Variants in OTOG observed in about 807,000 individuals in gnomAD.
OTOG encodes the protein otogelin.
A neutral mutation model predicts 313.8 loss-of-function variants in OTOG; 296 were observed. The ratio of observed to expected loss-of-function variants is 0.94; its 90% CI spans 0.86 to 1.04. The LOEUF is 1.04. OTOG is among the 50% of genes least tolerant of loss of function. The pLI is 0.00. For missense variants in OTOG, 3,948 were observed against 3,840.1 expected, an observed-to-expected ratio of 1.03 and a Z score of -0.74; for synonymous variants, 1,533 against 1,554.9, an observed-to-expected ratio of 0.99 and a Z score of 0.33.
At position 17,602,374 on chromosome 11, in the gene OTOG, C is replaced by T. The variant is rs766355863; in HGVS notation, c.3874C>T (p.His1292Tyr). Residue 1292 changes from histidine to tyrosine, a missense_variant, in exon 32 of 56, where the codon CAT (histidine) becomes TAT (tyrosine). His to Tyr is a moderately conservative substitution (Grantham distance 83). Transcript: ENST00000399397. ...AGCTGCTCTGTACAAGGCCAAGGCC[C>T]ATGGTAAGGCCCATCCCAGTCCCAC... The part of the protein sequence containing the change: ...LTAALYKAKA[H>Y]DPDVVSLEAA... 51 of 1,549,686 alleles carry T rather than the reference C, an allele frequency of 3.3e-5. No individual in the cohort carries two copies. The highest frequency in any genetic ancestry group is 1.7e-4 in the Middle Eastern group (1 of 5,938).
chr11:17,605,609 A>G (rs1000914081), intron 32 of OTOG, among the ~76,000 whole-genome samples: 4 of 152,066 alleles, frequency 2.6e-5, no homozygotes, highest in Admixed American at 2.0e-4. Flanking sequence ...AGATAGTTCA[A>G]TTACCTTCCC....
chr11:17,611,515 C>A, intron 36 of OTOG, 92 bp downstream of exon 36: 2 of 1,245,974 alleles, frequency 1.6e-6, no homozygotes, highest in South Asian at 1.6e-5. Flanking sequence ...AGTCGCTATC[C>A]TCATACCTGC....
At chr11:17,584,003 T>C (rs1219891933) in intron 23 of OTOG, among the ~76,000 whole-genome samples, 1 of 152,246 alleles carries the variant, frequency 6.6e-6, no homozygotes, top group African/African-American at 2.4e-5. Context: ...TATTTCATAG[T>C]TTTCATGTGA....
chr11:17,637,467 C>T (rs1255280099), intron 47 of OTOG, among the ~76,000 whole-genome samples: 1 of 152,208 alleles, frequency 6.6e-6, no homozygotes, highest in East Asian at 1.9e-4. Flanking sequence ...CGCTTCTGGA[C>T]TTCACCAGTT....
At chr11:17,637,398 C>T (rs1000857700) in intron 47 of OTOG, among the ~76,000 whole-genome samples, 1 of 152,132 alleles carries the variant, frequency 6.6e-6, no homozygotes, top group Admixed American at 6.5e-5. Flanking sequence ...TAGCACAGGT[C>T]CCTTTTCCTG....
At chr11:17,613,174 C>CTTTCTTTCTTTCTTTCTTTCT (rs879784917) in intron 38 of OTOG, among the ~76,000 whole-genome samples, 1 of 98,316 alleles carries the variant, frequency 1.0e-5, no homozygotes, top group African/African-American at 5.1e-5. Flanking sequence ...TCTCCCTTTT[C>CTTTCTTTCTTTCTTTCTTTCT]TTTCTTTCTT....
intron 17 of OTOG, 172 bp downstream of exon 17, chr11:17,570,562 G>A (rs986825873): frequency 1.4e-5 from 9 of 657,362 alleles, no homozygotes; most frequent in Admixed American, 3.0e-5. Flanking sequence ...TTAAAGCAGC[G>A]GTTCACAGTC....
chr11:17,553,871 A>G, intron 6 of OTOG, among the ~76,000 whole-genome samples: 1 of 152,240 alleles, frequency 6.6e-6, no homozygotes, highest in East Asian at 1.9e-4. Flanking sequence ...AAGGACATCA[A>G]ATCAGAGGAC....
At chr11:17,638,826 G>A (rs1219675399) in intron 48 of OTOG, 13 of 1,404,020 alleles carry the variant, frequency 9.3e-6, no homozygotes, top group East Asian at 7.3e-5. Flanking sequence ...GGCCGGGCAC[G>A]GTGGCTCACA....
chr11:17,644,321 G>A (rs1848031530), intron 54 of OTOG, among the ~76,000 whole-genome samples: 2 of 152,260 alleles, frequency 1.3e-5, no homozygotes, highest in African/African-American at 2.4e-5. Context: ...AGCAGAGAGG[G>A]AAGACAAAGT....
intron 39 of OTOG, among the ~76,000 whole-genome samples, chr11:17,618,990 G>A (rs1273410907): frequency 6.6e-6 from 1 of 152,142 alleles, no homozygotes; most frequent in East Asian, 1.9e-4. Flanking sequence ...TTTTTGGCCG[G>A]CATGTAGGCT....
rs1852140357 is a variant in OTOG, at chr11:17,559,822, A to G, written c.1342+160A>G. ...AAAAAAGAAGGAAAGAAGGAAGGGA[A>G]GAAGGAAGGAGGAAGGAAAAAAGGA... On this transcript the variant is annotated intron_variant, in intron 12 of 55. Coordinates refer to ENST00000399397, the MANE Select transcript of OTOG (RefSeq NM_001292063.2). Among the ~76,000 whole-genome samples, 3 of 147,318 alleles carry G rather than the reference A, an allele frequency of 2.0e-5. No individual in the cohort carries two copies. In the South Asian group the frequency reaches 6.9e-4, roughly 34 times the overall value.
In OTOG at chr11:17,631,814, G is replaced by T; in HGVS notation, c.6825G>T (p.Leu2275=). 6.4e-7 allele frequency: 1 copy of T among 1,550,648 alleles called. No individual in the cohort carries two copies. The highest frequency in any genetic ancestry group is 2.4e-5 in the East Asian group (1 of 40,928). The part of the protein sequence containing the change: ...FLDSWQVPSS[L]TSVGQTRFRP... ...ACAGCTGGCAGGTGCCCAGCTCCCT[G>T]ACCTCAGTGGGCCAGACCCGCTTCC... Residue 2275 remains leucine (L), a synonymous_variant, in exon 41 of 56, where the codon CTG becomes CTT. Transcript: ENST00000399397.
intron 17 of OTOG, among the ~76,000 whole-genome samples, chr11:17,570,999 C>T (rs573337775): frequency 3.3e-5 from 5 of 152,132 alleles, no homozygotes; most frequent in African/African-American, 7.2e-5. Flanking sequence ...TGGGCACAGA[C>T]GTAGGTTAGG....
Position 17,553,374 on chromosome 11 carries a change from C to A in OTOG, c.395C>A (p.Ala132Asp), listed in dbSNP as rs766172178. ...TGPRCQMVYNAGPERDSICRA... is the reference protein window; with the variant it reads ...TGPRCQMVYNDGPERDSICRA... ...CTTTTCTCTCCCTCAGTGTACAATG[C>A]CGGCCCTGAGAGGGACAGCATTTGC... The change falls in exon 6 of 56, where the codon GCC becomes GAC. Residue 132 changes from alanine (A) to aspartate (D), a missense_variant. Ala to Asp is a moderately radical substitution (Grantham distance 126). Coordinates refer to ENST00000399397, the MANE Select transcript of OTOG (RefSeq NM_001292063.2). 5.5e-6 allele frequency: 8 copies of A among 1,464,106 alleles called. No homozygotes were observed. In the South Asian group the frequency reaches 1.2e-4, roughly 21 times the overall value. 90.7% of individuals were successfully genotyped at this position (1,464,106 alleles called of 1,614,324 possible). A position where few individuals can be genotyped will look rare whatever the true frequency, so the allele number is the denominator to read the frequency against.
Position 17,609,960 on chromosome 11 carries a change from G to A in OTOG, c.4660G>A (p.Val1554Met). The change falls in exon 36 of 56, where the codon GTG becomes ATG. Residue 1554 changes from valine to methionine, a missense_variant. Val to Met is a conservative substitution (Grantham distance 21). Coordinates refer to ENST00000399397, the MANE Select transcript of OTOG (RefSeq NM_001292063.2). ...GPTESPASKG[V>M]TASLLAIPHT... Reference sequence around the variant, plus strand: ...CACGGAGTCCCCAGCCAGCAAGGGAGTGACTGCCAGCCTCCTGGCCATCCC... The same window carrying A: ...CACGGAGTCCCCAGCCAGCAAGGGAATGACTGCCAGCCTCCTGGCCATCCC... 6.5e-7 allele frequency: 1 copy of A among 1,542,938 alleles called. No individual in the cohort carries two copies. Among genetic ancestry groups the A allele is most frequent in the Non-Finnish European group, 8.8e-7 (1 of 1,142,338 alleles).
In OTOG at chr11:17,596,958, G is replaced by T; in HGVS notation, c.3633G>T (p.Gln1211His). The T allele has an allele frequency of 6.4e-7, 1 of 1,550,668 alleles. No individual in the cohort carries two copies. Among genetic ancestry groups the T allele is most frequent in the African/African-American group, 1.4e-5 (1 of 73,172 alleles). The change falls in exon 30 of 56, where the codon CAG (glutamine) becomes CAT (histidine). Residue 1211 changes from glutamine (Q) to histidine (H), a missense_variant. Physicochemically the swap from Gln to His is conservative, Grantham distance 24 (BLOSUM62 0). Coordinates refer to ENST00000399397, the MANE Select transcript of OTOG (RefSeq NM_001292063.2). Reference sequence around the variant, plus strand: ...CCAGCGTCTCCGCTTATGCCCACCAGTGTTGCCAGCATGGGGTGGCTGTTG... The same window carrying T: ...CCAGCGTCTCCGCTTATGCCCACCATTGTTGCCAGCATGGGGTGGCTGTTG... The part of the protein sequence containing the change: ...FCASVSAYAH[Q>H]CCQHGVAVDW...
In OTOG at chr11:17,612,257, C is replaced by A; in HGVS notation, c.6219C>A (p.Pro2073=). ...QSQHCPQGAA[P]PRCGILGLAV... is the part of the protein sequence containing the mutation. ...AGCACTGTCCCCAGGGTGCTGCTCC[C>A]CCTCGCTGTGGGATCCTGGGCCTCG... is the stretch of plus-strand genomic sequence containing the variant. The change falls in exon 37 of 56, where the codon CCC becomes CCA. Residue 2073 remains proline, a synonymous_variant. Transcript: ENST00000399397. The A allele has an allele frequency of 1.3e-6, 2 of 1,546,914 alleles. No homozygotes were observed. The highest frequency in any genetic ancestry group is 1.7e-6 in the Non-Finnish European group (2 of 1,146,944).
At chr11:17,624,633 C>T (rs776014119) in intron 39 of OTOG, among the ~76,000 whole-genome samples, 13 of 152,026 alleles carry the variant, frequency 8.6e-5, no homozygotes, top group Non-Finnish European at 1.6e-4. Flanking sequence ...CTTGGCTATT[C>T]GGGCTCATTT....
Sources: gnomAD v4.1 joint callset for allele counts (sites outside exome capture counted in the v4.1 genomes callset) on GRCh38, gnomAD v4.1.1 for gene constraint, MANE v1.5 for transcripts, NCBI Gene and HGNC (gene_info 2026-07-23, HGNC 2026-07-21) for gene names.